The following RNF220 variants were observed in gnomAD, a reference collection of about 807,000 sequenced individuals.
RNF220 encodes the protein ring finger protein 220, also known as E3 ubiquitin-protein ligase RNF220.
A neutral mutation model predicts 67.1 loss-of-function variants in RNF220; 7 were observed. The ratio of observed to expected loss-of-function variants is 0.10; its 90% CI spans 0.06 to 0.20. RNF220 has a LOEUF of 0.20. Ranked by LOEUF, RNF220 falls within the 10% of genes least tolerant of loss-of-function variation. The pLI, the probability that RNF220 is intolerant of heterozygous loss-of-function variation, is 1.00. For synonymous variants in RNF220, 270 were observed against 283.2 expected, an observed-to-expected ratio of 0.95 and a Z score of 0.47; for missense variants, 565 against 740.3, an observed-to-expected ratio of 0.76 and a Z score of 2.75.
At chr1:44,586,722 C>T (rs1665725430) in intron 2 of RNF220, among the ~76,000 whole-genome samples, 2 of 152,122 alleles carry the variant, frequency 1.3e-5, no homozygotes, top group Non-Finnish European at 2.9e-5. Flanking sequence ...GAGAAAGGAC[C>T]GCTCTCGTGG....
rs1340444160 is a variant in RNF220, at chr1:44,645,312, AG to A, written c.1366+41del. 1.2e-6 allele frequency: 2 copies of A among 1,613,458 alleles called. No individual in the cohort carries two copies. Among genetic ancestry groups the A allele is most frequent in the South Asian group, 1.1e-5 (1 of 91,046 alleles). On this transcript the variant is annotated intron_variant, in intron 11 of 14. Coordinates refer to ENST00000361799, the MANE Select transcript of RNF220 (RefSeq NM_018150.4). This position sits in a 1 kb window ranked among gnomAD's most constrained non-coding sequence, Gnocchi z 5.0. ...CCCCAGGTTAGGAGTAATGGGGGAG[AG>A]GGGGTATCCCTAGATGGTGGTGACT...
chr1:44,636,903 G>A (rs1644346508), intron 8 of RNF220, among the ~76,000 whole-genome samples: 1 of 152,230 alleles, frequency 6.6e-6, no homozygotes, highest in Admixed American at 6.5e-5. Context: ...GAATTGGTTG[G>A]GTGCCCAGGG....
At chr1:44,439,630 T>A (rs1651352232) in intron 2 of RNF220, among the ~76,000 whole-genome samples, 1 of 152,222 alleles carries the variant, frequency 6.6e-6, no homozygotes, top group Admixed American at 6.5e-5. Flanking sequence ...TTTTACTTTT[T>A]AACAAGGCAT....
At chr1:44,430,824 C>T (rs1235360485) in intron 2 of RNF220, among the ~76,000 whole-genome samples, 2 of 152,204 alleles carry the variant, frequency 1.3e-5, no homozygotes, top group African/African-American at 2.4e-5. Flanking sequence ...GGATTACAGG[C>T]GTGAGCCACC....
intron 2 of RNF220, among the ~76,000 whole-genome samples, chr1:44,535,876 C>T (rs1281661268): frequency 6.6e-6 from 1 of 152,100 alleles, no homozygotes; most frequent in Non-Finnish European, 1.5e-5. Context: ...TGGGAGCTGG[C>T]TACGTGCTGT....
intron 2 of RNF220, among the ~76,000 whole-genome samples, chr1:44,487,739 G>A (rs1056532276): frequency 6.7e-6 from 1 of 149,478 alleles, no homozygotes; most frequent in Non-Finnish European, 1.5e-5. Context: ...AATTAGCTGA[G>A]CATGGTGGCA....
chr1:44,640,828 G>A (rs1644468006), intron 8 of RNF220, among the ~76,000 whole-genome samples: 1 of 152,218 alleles, frequency 6.6e-6, no homozygotes, highest in Non-Finnish European at 1.5e-5. Context: ...CTCGCCGGAA[G>A]CTGCTGCCCC....
chr1:44,563,903 CT>C (rs950206074), intron 2 of RNF220, among the ~76,000 whole-genome samples: 1 of 152,192 alleles, frequency 6.6e-6, no homozygotes, highest in Admixed American at 6.5e-5. Context: ...GCTGACATCT[CT>C]TACATCTCTA....
At chr1:44,612,747 T>A (rs1643367214) in intron 2 of RNF220, among the ~76,000 whole-genome samples, 1 of 134,188 alleles carries the variant, frequency 7.5e-6, no homozygotes, top group Non-Finnish European at 1.6e-5. Context: ...GTGTAGTACT[T>A]GGGACATGCT....
At chr1:44,637,851 G>C (rs951970237) in intron 8 of RNF220, among the ~76,000 whole-genome samples, 5 of 152,244 alleles carry the variant, frequency 3.3e-5, no homozygotes, top group Non-Finnish European at 1.5e-5. Flanking sequence ...CTTGAAGAGG[G>C]AACAGGGGCC....
intron 2 of RNF220, among the ~76,000 whole-genome samples, chr1:44,433,391 A>G (rs1650619050): frequency 6.6e-6 from 1 of 152,188 alleles, no homozygotes; most frequent in South Asian, 2.1e-4. Context: ...CTTCCACAGG[A>G]AACAGTTTGT....
chr1:44,481,264 G>T (rs78548277), intron 2 of RNF220, among the ~76,000 whole-genome samples: 1 of 151,904 alleles, frequency 6.6e-6, no homozygotes, highest in Non-Finnish European at 1.5e-5. Flanking sequence ...CTCTGCAAAA[G>T]AATTTTAAAA....
At chr1:44,598,839 AG>A (rs1043096510) in intron 2 of RNF220, among the ~76,000 whole-genome samples, 2 of 152,134 alleles carry the variant, frequency 1.3e-5, no homozygotes, top group African/African-American at 4.8e-5. Context: ...TGACACCCTT[AG>A]GGCCTCTGAC....
At chr1:44,628,583 G>T (rs1573106411) in intron 5 of RNF220, among the ~76,000 whole-genome samples, 1 of 152,312 alleles carries the variant, frequency 6.6e-6, no homozygotes, top group Admixed American at 6.5e-5. Context: ...TAAAGCTGAA[G>T]CTCCTTATCA....
intron 2 of RNF220, among the ~76,000 whole-genome samples, chr1:44,448,257 G>A (rs564060397): frequency 4.2e-4 from 64 of 152,328 alleles, no homozygotes; most frequent in African/African-American, 1.4e-3. Context: ...CGAGATTGCC[G>A]CACTGCAGCC....
chr1:44,585,810 G>A (rs986562550), intron 2 of RNF220, among the ~76,000 whole-genome samples: 1 of 152,208 alleles, frequency 6.6e-6, no homozygotes, highest in East Asian at 1.9e-4. Flanking sequence ...GCACCGTTGG[G>A]AAGATTGTTG....
chr1:44,422,664 A>G (rs1411391020), intron 2 of RNF220, among the ~76,000 whole-genome samples: 3 of 152,230 alleles, frequency 2.0e-5, no homozygotes, highest in Non-Finnish European at 4.4e-5. Context: ...AAGAAACTCA[A>G]GTCTGTTGCT....
intron 2 of RNF220, among the ~76,000 whole-genome samples, chr1:44,605,942 C>CA (rs1482212130): frequency 6.6e-6 from 1 of 152,196 alleles, no homozygotes; most frequent in Non-Finnish European, 1.5e-5. Context: ...CACAGCTGTT[C>CA]CCAGGACATC....
At chr1:44,537,152 C>T (rs907488676) in intron 2 of RNF220, among the ~76,000 whole-genome samples, 1 of 152,098 alleles carries the variant, frequency 6.6e-6, no homozygotes, top group African/African-American at 2.4e-5. Context: ...TCTCTCTGCC[C>T]CTCTTCTACC....
Sources: allele counts gnomAD v4.1 joint callset (sites outside exome capture counted in the v4.1 genomes callset), GRCh38; gene constraint gnomAD v4.1.1; non-coding constraint Gnocchi (gnomAD v3.1); transcripts MANE v1.5; gene names NCBI Gene and HGNC (gene_info 2026-07-23, HGNC 2026-07-21).